YWHAQ: variants seen among roughly 807,000 people sequenced by gnomAD.
YWHAQ encodes the protein tyrosine 3-monooxygenase/tryptophan 5-monooxygenase activation protein theta, also known as 14-3-3 protein theta.
In YWHAQ, 6 loss-of-function variants were observed where a neutral mutation model predicts 28.3. The observed-to-expected ratio is 0.21, with a 90% CI of 0.12 to 0.42. The LOEUF is 0.42. Among genes scored for constraint, YWHAQ ranks in the 10% least tolerant of loss-of-function variants. The pLI is 1.00. For synonymous variants in YWHAQ, 143 were observed against 119.1 expected (o/e 1.20, Z -1.31); for missense variants, 201 against 305.6 (o/e 0.66, Z 2.55).
At chr2:9,616,498 T>G (rs1374021287) in intron 2 of YWHAQ, among the ~76,000 whole-genome samples, 1 of 146,996 alleles carries the variant, frequency 6.8e-6, no homozygotes, top group Non-Finnish European at 1.5e-5. Context: ...CAAAGGACAC[T>G]AACAAGACAA....
chr2:9,594,679 C>G (rs766932647), intron 2 of YWHAQ, among the ~76,000 whole-genome samples: 3 of 152,152 alleles, frequency 2.0e-5, no homozygotes, highest in Non-Finnish European at 4.4e-5. Flanking sequence ...GATGCCAGCT[C>G]TGGTGAAGAT....
chr2:9,589,514 C>T (rs909409192), intron 3 of YWHAQ, among the ~76,000 whole-genome samples: 7 of 152,188 alleles, frequency 4.6e-5, no homozygotes, highest in Non-Finnish European at 8.8e-5. Flanking sequence ...ACCCGGGAGG[C>T]GGAGCTTACG....
chr2:9,624,776 T>G (rs1202414668), intron 2 of YWHAQ, among the ~76,000 whole-genome samples: 2 of 152,018 alleles, frequency 1.3e-5, no homozygotes, highest in African/African-American at 4.8e-5. Flanking sequence ...GACAAGAGTT[T>G]CGCTCTGTCG....
intron 2 of YWHAQ, chr2:9,628,862 T>C (rs1667297541): frequency 6.6e-6 from 1 of 152,248 alleles, no homozygotes; most frequent in African/African-American, 2.4e-5. Flanking sequence ...TTCTCCACTT[T>C]AGTACACACT....
chr2:9,601,043 A>C (rs540357315), intron 2 of YWHAQ, among the ~76,000 whole-genome samples: 2 of 152,216 alleles, frequency 1.3e-5, no homozygotes, highest in Non-Finnish European at 2.9e-5. Context: ...TGCTTTATTG[A>C]GATAATTCAC....
chr2:9,607,884 G>A (rs1666865258), intron 2 of YWHAQ, among the ~76,000 whole-genome samples: 1 of 151,686 alleles, frequency 6.6e-6, no homozygotes, highest in Non-Finnish European at 1.5e-5. Flanking sequence ...GCTATTTCTT[G>A]TATTTTTAGT....
chr2:9,600,109 A>T (rs1462236179), intron 2 of YWHAQ, among the ~76,000 whole-genome samples: 1 of 152,224 alleles, frequency 6.6e-6, no homozygotes, highest in Non-Finnish European at 1.5e-5. Flanking sequence ...TGGTAGAAAC[A>T]GGAAGAGAAA....
intron 4 of YWHAQ, 36 bp from the exon 5 acceptor site, chr2:9,587,545 A>C (rs773512237): frequency 6.5e-7 from 1 of 1,547,456 alleles, no homozygotes; most frequent in Non-Finnish European, 8.8e-7. Context: ...AAATATGTGC[A>C]TTGACGAAAA....
In YWHAQ at chr2:9,630,579, G is replaced by C; in HGVS notation, c.-82-45C>G. On this transcript the variant is annotated intron_variant, in intron 1 of 5. Transcript: ENST00000238081. This position sits in a 1 kb window ranked among gnomAD's most constrained non-coding sequence, Gnocchi z 5.6. ...CGAGGCGAGAACAAAAAGCAGAGAG[G>C]GAGCGCCGTCAGACAATGCGGCCCG... The C allele has an allele frequency of 1.0e-6, 1 of 966,536 alleles. No individual in the cohort carries two copies. The highest frequency in any genetic ancestry group is 1.5e-6 in the Non-Finnish European group (1 of 678,722). 59.9% of individuals were successfully genotyped at this position (966,536 alleles called of 1,614,324 possible).
Position 9,587,421 on chromosome 2 carries a change from T to C in YWHAQ, c.671A>G (p.Asn224Ser). The change falls in exon 5 of 6, where the codon AAC becomes AGC. Residue 224 changes from asparagine to serine, a missense_variant. By Grantham distance (46) the Asn-to-Ser change is conservative. This residue lies in a region of YWHAQ where 39 missense variants were observed against 91.7 expected (regional missense o/e 0.43). Coordinates refer to ENST00000238081, the MANE Select transcript of YWHAQ (RefSeq NM_006826.4). ...AAAGAGTAAACAACTCACTGTTAGG[T>C]TGTCTCTAAGCAACTGCATGATGAG... The part of the protein sequence containing the change: ...STLIMQLLRD[N>S]LTLWTSDSAG... 1.9e-6 allele frequency: 3 copies of C among 1,609,134 alleles called. No homozygotes were observed. The highest frequency in any genetic ancestry group is 2.5e-6 in the Non-Finnish European group (3 of 1,178,370).
intron 2 of YWHAQ, chr2:9,629,086 G>A (rs2125076100): frequency 6.6e-6 from 1 of 151,702 alleles, no homozygotes; most frequent in East Asian, 1.9e-4. Context: ...GAGGAGGCCA[G>A]GGAGAAATTA....
At chr2:9,592,753 T>C (rs1666483432) in intron 2 of YWHAQ, among the ~76,000 whole-genome samples, 1 of 152,092 alleles carries the variant, frequency 6.6e-6, no homozygotes, top group African/African-American at 2.4e-5. Flanking sequence ...AAAAAAAGCT[T>C]TTTTGTATTA....
At position 9,591,416 on chromosome 2, in the gene YWHAQ, C is replaced by A; in HGVS notation, c.394G>T (p.Val132Phe). Residue 132 changes from valine to phenylalanine, a missense_variant, in exon 3 of 6, where the codon GTT becomes TTT. This residue lies in a region of YWHAQ where 162 missense variants were observed against 213.9 expected (regional missense o/e 0.76). Coordinates refer to ENST00000238081, the MANE Select transcript of YWHAQ (RefSeq NM_006826.4). ...KGDYFRYLAE[V>F]ACGDDRKQTI... ...CGTTTTCGATCATCACCACACGCAA[C>A]TTCAGCAAGGTACCGGAAGTAATCA... 3.1e-6 allele frequency: 5 copies of A among 1,612,732 alleles called. No individual in the cohort carries two copies. The South Asian group carries it at 3.3e-5, about 11-fold the overall frequency.
intron 3 of YWHAQ, among the ~76,000 whole-genome samples, chr2:9,589,724 A>G (rs1053056583): frequency 5.9e-5 from 9 of 152,184 alleles, no homozygotes; most frequent in Non-Finnish European, 1.3e-4. Context: ...GTATTATTTG[A>G]AAGGCAATAT....
intron 2 of YWHAQ, among the ~76,000 whole-genome samples, chr2:9,599,007 A>T (rs1206518680): frequency 6.6e-6 from 1 of 152,210 alleles, no homozygotes; most frequent in Non-Finnish European, 1.5e-5. Flanking sequence ...CTCTTGAAGG[A>T]AATTAAAAGT....
At position 9,607,487 on chromosome 2, in the gene YWHAQ, G is replaced by A. The variant is rs184521859; in HGVS notation, c.295-15972C>T. Among the ~76,000 whole-genome samples, 54 of 152,014 alleles carry A rather than the reference G, an allele frequency of 3.6e-4. 1 individual carries two copies. Among genetic ancestry groups the A allele is most frequent in the African/African-American group, 9.4e-4 (39 of 41,460 alleles). On this transcript the variant is annotated intron_variant, in intron 2 of 5. Transcript: ENST00000238081. The stretch of plus-strand genomic sequence containing the variant: ...TTCCCAAAGTGCTAGGATTACAGGC[G>A]TGAGCCATCGTACCTGGCATTTTTC...
chr2:9,618,590 T>G (rs1667081733), intron 2 of YWHAQ, among the ~76,000 whole-genome samples: 1 of 151,906 alleles, frequency 6.6e-6, no homozygotes, highest in South Asian at 2.1e-4. Context: ...CACTGCAGCC[T>G]AAACCTCCTG....
intron 3 of YWHAQ, among the ~76,000 whole-genome samples, chr2:9,588,794 A>AAC (rs1265705395): frequency 6.6e-6 from 1 of 151,886 alleles, no homozygotes; most frequent in Non-Finnish European, 1.5e-5. Flanking sequence ...CAAAAACAAT[A>AAC]TTGTGTACTG....
intron 2 of YWHAQ, among the ~76,000 whole-genome samples, chr2:9,605,750 G>T (rs1344888850): frequency 5.3e-5 from 8 of 151,252 alleles, no homozygotes; most frequent in Non-Finnish European, 1.5e-5. Flanking sequence ...TTTGGTAGAG[G>T]GGGGTTTTCA....
Sources: gnomAD v4.1 joint callset for allele counts (sites outside exome capture counted in the v4.1 genomes callset) on GRCh38, gnomAD v4.1.1 for gene constraint, gnomAD v4.1.1 regional missense constraint, Gnocchi (gnomAD v3.1) non-coding constraint, MANE v1.5 for transcripts, NCBI Gene and HGNC (gene_info 2026-07-23, HGNC 2026-07-21) for gene names.